TEAD1: variants seen among roughly 807,000 people sequenced by gnomAD.
TEAD1 encodes TEA domain transcription factor 1.
In TEAD1, 9 loss-of-function variants were observed where a neutral mutation model predicts 54.9. The ratio of observed to expected loss-of-function variants is 0.16; its 90% CI spans 0.10 to 0.29. The LOEUF (loss-of-function observed/expected upper bound fraction) is 0.29, where lower values mean the gene tolerates loss of function less well. Among genes scored for constraint, TEAD1 ranks in the 10% least tolerant of loss-of-function variants. TEAD1 has a pLI of 1.00. For missense variants in TEAD1, 387 were observed against 535.9 expected (o/e 0.72, Z 2.74); for synonymous variants, 200 against 187.8 (o/e 1.07, Z -0.53).
intron 10 of TEAD1, among the ~76,000 whole-genome samples, chr11:12,920,038 G>C (rs549339001): frequency 6.6e-6 from 1 of 152,220 alleles, no homozygotes; most frequent in East Asian, 1.9e-4. Flanking sequence ...ATGAAGATGA[G>C]GAAACAGAAC....
intron 2 of TEAD1, among the ~76,000 whole-genome samples, chr11:12,737,782 G>C (rs1356455698): frequency 6.6e-6 from 1 of 152,200 alleles, no homozygotes; most frequent in East Asian, 1.9e-4. Context: ...CCAAGAGTAA[G>C]GGTGGAGGTG....
At chr11:12,807,810 G>A (rs905725076) in intron 3 of TEAD1, among the ~76,000 whole-genome samples, 1 of 152,194 alleles carries the variant, frequency 6.6e-6, no homozygotes, top group African/African-American at 2.4e-5. Context: ...GCTTTGAAGT[G>A]CTTGGCAGTG....
At position 12,823,042 on chromosome 11, in the gene TEAD1, A is replaced by G. The variant is rs557205679; in HGVS notation, c.203-39208A>G. Among the ~76,000 whole-genome samples the G allele has an allele frequency of 1.0e-3, 153 of 152,304 alleles. No individual in the cohort carries two copies. In the South Asian group the frequency reaches 0.024, roughly 24 times the overall value. Reference sequence around the variant, plus strand: ...TTGGTTTTGTTTTTTTGTTTTTTACATATGTCAATTTTTACTTGTCTTGCA... The same window carrying G: ...TTGGTTTTGTTTTTTTGTTTTTTACGTATGTCAATTTTTACTTGTCTTGCA... On this transcript the variant is annotated intron_variant, in intron 3 of 12. Coordinates refer to ENST00000527636, the MANE Select transcript of TEAD1 (RefSeq NM_021961.6).
At chr11:12,920,562 TC>T (rs1188473077) in intron 10 of TEAD1, among the ~76,000 whole-genome samples, 1 of 152,118 alleles carries the variant, frequency 6.6e-6, no homozygotes, top group Non-Finnish European at 1.5e-5. Context: ...GGTCTCAAAC[TC>T]CTGGGCTTAA....
At chr11:12,706,156 G>A (rs983308117) in intron 2 of TEAD1, among the ~76,000 whole-genome samples, 7 of 152,232 alleles carry the variant, frequency 4.6e-5, no homozygotes, top group African/African-American at 1.7e-4. Flanking sequence ...CTGGCACCAA[G>A]TATCTGGGGA....
chr11:12,878,968 T>C, intron 5 of TEAD1: 2 of 1,199,358 alleles, frequency 1.7e-6, no homozygotes, highest in Non-Finnish European at 2.2e-6. Flanking sequence ...TTGGCTAGCT[T>C]TGTGTTGTTA....
At chr11:12,822,686 C>G (rs1453005432) in intron 3 of TEAD1, 1 of 152,242 alleles carries the variant, frequency 6.6e-6, no homozygotes, top group Non-Finnish European at 1.5e-5. Flanking sequence ...AGAGAGCTTT[C>G]CCTAGTCATG....
In TEAD1 at chr11:12,937,916, T is replaced by C. The variant is rs1313771755; in HGVS notation, c.*694T>C. On this transcript the variant is annotated 3_prime_UTR_variant, in exon 13 of 13. Transcript: ENST00000527636. ...AGGTTAACACTAATCTCCTAATCCATTAAACTCTTGAACAGGTATTACAAA... is the reference window on the plus strand; with the variant it reads ...AGGTTAACACTAATCTCCTAATCCACTAAACTCTTGAACAGGTATTACAAA... 2.0e-5 allele frequency: 3 copies of C among 152,476 alleles called. No individual in the cohort carries two copies. The highest frequency in any genetic ancestry group is 4.4e-5 in the Non-Finnish European group (3 of 68,008). The allele number at this position is 152,476 out of a possible 1,614,324, so 9.4% of individuals were successfully genotyped here.
intron 2 of TEAD1, among the ~76,000 whole-genome samples, chr11:12,704,189 G>T (rs1943765240): frequency 1.3e-5 from 2 of 152,210 alleles, no homozygotes; most frequent in Admixed American, 6.5e-5. Flanking sequence ...GATGACGAAT[G>T]TATTAGACAA....
At chr11:12,701,598 A>G (rs1943702899) in intron 2 of TEAD1, among the ~76,000 whole-genome samples, 1 of 152,102 alleles carries the variant, frequency 6.6e-6, no homozygotes, top group Non-Finnish European at 1.5e-5. Context: ...AAAAGATGCT[A>G]TGAAATTTCA....
At chr11:12,916,316 C>T (rs1213601986) in intron 10 of TEAD1, among the ~76,000 whole-genome samples, 1 of 152,116 alleles carries the variant, frequency 6.6e-6, no homozygotes, top group Non-Finnish European at 1.5e-5. Context: ...GCATCTGTGC[C>T]ACACACCCGA....
At position 12,732,941 on chromosome 11, in the gene TEAD1, A is replaced by T. The variant is rs573889535; in HGVS notation, c.-54-31238A>T. 2.0e-5 allele frequency among the ~76,000 whole-genome samples: 3 copies of T among 152,328 alleles called. No individual in the cohort carries two copies. In the South Asian group the frequency reaches 6.2e-4, roughly 32 times the overall value. On this transcript the variant is annotated intron_variant, in intron 2 of 12. Transcript: ENST00000527636. ...CTTGCAAAGCTAATACCTACTTAGG[A>T]CTGATTACTCTTAGATCAGAGGATG...
At chr11:12,897,186 A>G (rs1242493043) in intron 9 of TEAD1, among the ~76,000 whole-genome samples, 1 of 152,140 alleles carries the variant, frequency 6.6e-6, no homozygotes, top group East Asian at 1.9e-4. Flanking sequence ...ATAGAATAGA[A>G]TTGCCCTTTT....
At position 12,703,616 on chromosome 11, in the gene TEAD1, C is replaced by T. The variant is rs77117369; in HGVS notation, c.-55+28055C>T. On this transcript the variant is annotated intron_variant, in intron 2 of 12. Transcript: ENST00000527636. ...ATCCTTCGTTGTTGTTCTTCTTCCT[C>T]CTAAACTCTGAGCCCTTGCGGGATA... 1.6e-4 allele frequency among the ~76,000 whole-genome samples: 25 copies of T among 152,322 alleles called. No homozygotes were observed. In the East Asian group the frequency reaches 4.6e-3, roughly 28 times the overall value.
At chr11:12,718,035 T>C (rs939986972) in intron 2 of TEAD1, among the ~76,000 whole-genome samples, 1 of 152,174 alleles carries the variant, frequency 6.6e-6, no homozygotes, top group African/African-American at 2.4e-5. Context: ...GTGGTGGTGG[T>C]GAAGGTAGAG....
At chr11:12,888,912 T>C (rs1948142892) in intron 9 of TEAD1, among the ~76,000 whole-genome samples, 1 of 152,054 alleles carries the variant, frequency 6.6e-6, no homozygotes, top group African/African-American at 2.4e-5. Flanking sequence ...CCCAGGGCCG[T>C]AAGGAGCTAA....
At chr11:12,765,767 C>T (rs899483776) in intron 3 of TEAD1, among the ~76,000 whole-genome samples, 25 of 152,288 alleles carry the variant, frequency 1.6e-4, no homozygotes, top group African/African-American at 5.8e-4. Flanking sequence ...TTTTATGCTC[C>T]CATAATATCC....
chr11:12,739,370 C>T (rs187834996), intron 2 of TEAD1, among the ~76,000 whole-genome samples: 5 of 152,196 alleles, frequency 3.3e-5, no homozygotes, highest in East Asian at 1.9e-4. Flanking sequence ...GTTTTGCTAT[C>T]GTCACCACCA....
chr11:12,691,244 T>C (rs983222112), intron 2 of TEAD1, among the ~76,000 whole-genome samples: 2 of 152,194 alleles, frequency 1.3e-5, no homozygotes, highest in African/African-American at 4.8e-5. Context: ...CTTTGGCCAG[T>C]GGGAATTTCT....
Sources: allele counts gnomAD v4.1 joint callset (sites outside exome capture counted in the v4.1 genomes callset), GRCh38; gene constraint gnomAD v4.1.1; transcripts MANE v1.5; gene names NCBI Gene and HGNC (gene_info 2026-07-23, HGNC 2026-07-21).